The following NIPSNAP3A variants were observed in gnomAD, a reference collection of about 807,000 sequenced individuals.
NIPSNAP3A encodes nipsnap homolog 3A, also known as protein NipSnap homolog 3A.
In NIPSNAP3A, 27 loss-of-function variants were observed where a neutral mutation model predicts 32.3. That is an observed-to-expected ratio of 0.84 (90% CI 0.62 to 1.15). The LOEUF is 1.15. NIPSNAP3A is among the 50% of genes most tolerant of loss of function. The probability of loss-of-function intolerance (pLI) is 0.00; values close to 1 mark genes in which losing one functional copy is unlikely to be tolerated. For missense variants in NIPSNAP3A, 278 were observed against 297.2 expected (o/e 0.94, Z 0.48); for synonymous variants, 108 against 107.3 (o/e 1.01, Z -0.04).
rs754638247 is a variant in NIPSNAP3A, at chr9:104,752,973, C to T, written c.339C>T (p.Phe113=). Residue 113 remains phenylalanine, a synonymous_variant, in exon 3 of 6, where the codon TTC becomes TTT. Transcript: ENST00000374767. ...AAGATAAGGAATGGCAAGAACAATT[C>T]CTCATTCCAAATTTGGCTCTCATTG... ...LAKDKEWQEQ[F]LIPNLALIDK... is the part of the protein sequence containing the mutation. 5 of 1,612,944 alleles carry T rather than the reference C, an allele frequency of 3.1e-6. No individual in the cohort carries two copies. Among genetic ancestry groups the T allele is most frequent in the African/African-American group, 1.3e-5 (1 of 75,000 alleles).
chr9:104,748,156 G>GT (rs761207497), intron 1 of NIPSNAP3A, among the ~76,000 whole-genome samples: 5 of 152,188 alleles, frequency 3.3e-5, no homozygotes, highest in Non-Finnish European at 5.9e-5. Flanking sequence ...GGCGCCGGCT[G>GT]TTTCGTTTTT....
intron 4 of NIPSNAP3A, among the ~76,000 whole-genome samples, chr9:104,758,523 G>GT (rs1827931219): frequency 6.6e-6 from 1 of 151,964 alleles, no homozygotes; most frequent in Admixed American, 6.6e-5. Context: ...CAGTACTTCC[G>GT]TTTTCCAGCC....
At chr9:104,750,356 A>G (rs1827832900) in intron 1 of NIPSNAP3A, among the ~76,000 whole-genome samples, 1 of 152,218 alleles carries the variant, frequency 6.6e-6, no homozygotes, top group African/African-American at 2.4e-5. Flanking sequence ...CCCCACTAGG[A>G]AACAGTAACT....
intron 2 of NIPSNAP3A, among the ~76,000 whole-genome samples, chr9:104,752,637 T>G (rs986110254): frequency 6.6e-6 from 1 of 152,182 alleles, no homozygotes; most frequent in Non-Finnish European, 1.5e-5. Flanking sequence ...ATTCAATAAC[T>G]TACCTAATTC....
chr9:104,759,242 T>C lies in NIPSNAP3A; in HGVS notation c.668-20T>C. On this transcript the variant is annotated intron_variant, in intron 5 of 5. Transcript: ENST00000374767. ...TTCAGTCAGTAACTCTATATGCCTTTCTATGAAATGTTTTTCCAGTTCGGG... is the reference window on the plus strand; with the variant it reads ...TTCAGTCAGTAACTCTATATGCCTTCCTATGAAATGTTTTTCCAGTTCGGG... 6.2e-7 allele frequency: 1 copy of C among 1,614,150 alleles called. No individual in the cohort carries two copies. The highest frequency in any genetic ancestry group is 8.5e-7 in the Non-Finnish European group (1 of 1,179,984).
intron 1 of NIPSNAP3A, 102 bp downstream of exon 1, chr9:104,747,954 C>T: frequency 8.3e-7 from 1 of 1,204,478 alleles, no homozygotes; most frequent in Non-Finnish European, 1.1e-6. Context: ...CGCTCTCCGC[C>T]ACGCGCGCCC....
chr9:104,758,964 CTT>C (rs1827939813), intron 4 of NIPSNAP3A, 119 bp from the exon 5 acceptor site: 20 of 1,032,864 alleles, frequency 1.9e-5, no homozygotes, highest in Middle Eastern at 3.2e-4. Flanking sequence ...GAGTGAAACT[CTT>C]GTTTCAAAAA....
intron 2 of NIPSNAP3A, 150 bp downstream of exon 2, chr9:104,751,316 CA>C: frequency 2.7e-6 from 2 of 746,314 alleles, no homozygotes; most frequent in Non-Finnish European, 2.3e-6. Context: ...AAAGCAATAC[CA>C]AAAAAATAAA....
chr9:104,752,770 C>T (rs963424644), intron 2 of NIPSNAP3A, 136 bp from the exon 3 acceptor site: 3 of 716,264 alleles, frequency 4.2e-6, no homozygotes, highest in South Asian at 3.6e-5. Flanking sequence ...CATCTGTTTA[C>T]GTTGGTGTCT....
Position 104,752,917 on chromosome 9 carries a change from C to T in NIPSNAP3A, c.283C>T (p.His95Tyr), listed in dbSNP as rs766133064. The change falls in exon 3 of 6, where the codon CAT becomes TAT. Residue 95 changes from histidine to tyrosine, a missense_variant. By Grantham distance (83) the His-to-Tyr change is moderately conservative. Coordinates refer to ENST00000374767, the MANE Select transcript of NIPSNAP3A (RefSeq NM_015469.3). ...FHIWKYDNFA[H>Y]RTEVRKALAK... Reference sequence around the variant, plus strand: ...TTTTCTTCCCACAGATAATTTTGCTCATCGAACTGAAGTTCGGAAAGCCTT... The same window carrying T: ...TTTTCTTCCCACAGATAATTTTGCTTATCGAACTGAAGTTCGGAAAGCCTT... 98 of 1,612,174 alleles carry T rather than the reference C, an allele frequency of 6.1e-5. No individual in the cohort carries two copies. In the Middle Eastern group the frequency reaches 1.3e-3, roughly 22 times the overall value.
intron 2 of NIPSNAP3A, among the ~76,000 whole-genome samples, chr9:104,752,441 T>G (rs374471869): frequency 1.3e-5 from 2 of 151,394 alleles, no homozygotes; most frequent in African/African-American, 4.8e-5. Context: ...AGAAAAACAG[T>G]CTTTCTCTAA....
chr9:104,751,728 C>T (rs1564051411), intron 2 of NIPSNAP3A, among the ~76,000 whole-genome samples: 1 of 152,128 alleles, frequency 6.6e-6, no homozygotes, highest in Non-Finnish European at 1.5e-5. Flanking sequence ...TTAGAGACCA[C>T]ATTTGTTTCA....
At chr9:104,756,052 C>A (rs866291789) in intron 4 of NIPSNAP3A, among the ~76,000 whole-genome samples, 2 of 152,114 alleles carry the variant, frequency 1.3e-5, no homozygotes, top group Non-Finnish European at 2.9e-5. Flanking sequence ...ACCTAATATA[C>A]CCATCTTTAT....
chr9:104,751,298 A>G, intron 2 of NIPSNAP3A, 132 bp downstream of exon 2: 1 of 837,760 alleles, frequency 1.2e-6, no homozygotes. Context: ...GTTAACTAAG[A>G]CTTTTGAAAA....
rs1242576081 is a variant in NIPSNAP3A, at chr9:104,747,758, C to T, written c.-35C>T. 2 of 1,593,844 alleles carry T rather than the reference C, an allele frequency of 1.3e-6. No individual in the cohort carries two copies. The highest frequency in any genetic ancestry group is 1.7e-5 in the Admixed American group (1 of 57,622). On this transcript the variant is annotated 5_prime_UTR_variant, in exon 1 of 6. It adds an upstream start codon to the 5' untranslated region. Coordinates refer to ENST00000374767, the MANE Select transcript of NIPSNAP3A (RefSeq NM_015469.3). Reference sequence around the variant, plus strand: ...CTTCAGAGGAGTCTCAGAAAGGACACGGCTGGCTGCTTTTCTCAGCGCCGA... The same window carrying T: ...CTTCAGAGGAGTCTCAGAAAGGACATGGCTGGCTGCTTTTCTCAGCGCCGA...
intron 4 of NIPSNAP3A, 53 bp downstream of exon 4, chr9:104,754,753 AGTT>A: frequency 1.4e-6 from 2 of 1,453,338 alleles, no homozygotes; most frequent in Admixed American, 3.4e-5. Flanking sequence ...TTGTGACCTA[AGTT>A]CCTTGGGTCA....
intron 1 of NIPSNAP3A, among the ~76,000 whole-genome samples, chr9:104,750,540 A>C (rs1263147233): frequency 6.6e-6 from 1 of 152,220 alleles, no homozygotes; most frequent in Non-Finnish European, 1.5e-5. Context: ...TAGGGTGTAC[A>C]CAGAGTAAAT....
rs750937280 is a variant in NIPSNAP3A, at chr9:104,753,068, A to T, written c.430+4A>T. 2.5e-6 allele frequency: 4 copies of T among 1,609,212 alleles called. No individual in the cohort carries two copies. Among genetic ancestry groups the T allele is most frequent in the Non-Finnish European group, 3.4e-6 (4 of 1,175,736 alleles). On this transcript the variant is annotated splice_donor_region_variant and intron_variant, in intron 3 of 5. Coordinates refer to ENST00000374767, the MANE Select transcript of NIPSNAP3A (RefSeq NM_015469.3). ...TTAGAAAAACCTCCAAAAGAAGGTA[A>T]GTCCTTCCTTCTTAGTCACTGAGTT...
At chr9:104,758,268 T>A (rs1827927951) in intron 4 of NIPSNAP3A, among the ~76,000 whole-genome samples, 1 of 152,210 alleles carries the variant, frequency 6.6e-6, no homozygotes, top group Non-Finnish European at 1.5e-5. Context: ...GTTATTATAA[T>A]ATACAATAAG....
Sources: allele counts gnomAD v4.1 joint callset (sites outside exome capture counted in the v4.1 genomes callset), GRCh38; gene constraint gnomAD v4.1.1; transcripts MANE v1.5; gene names NCBI Gene and HGNC (gene_info 2026-07-23, HGNC 2026-07-21).